TUBE1: variants seen among roughly 807,000 people sequenced by gnomAD.
The protein encoded by TUBE1 is tubulin epsilon 1, also known as tubulin epsilon chain.
TUBE1 carries 34 observed loss-of-function variants against 53.5 expected under a neutral mutation model. The observed-to-expected ratio is 0.64, with a 90% CI of 0.48 to 0.85. The LOEUF (loss-of-function observed/expected upper bound fraction) is 0.85. Among genes scored for constraint, TUBE1 ranks in the 40% least tolerant of loss-of-function variants. The pLI is 0.00. For missense variants in TUBE1, 532 were observed against 570.5 expected, an observed-to-expected ratio of 0.93 and a Z score of 0.69; for synonymous variants, 177 against 198.4, an observed-to-expected ratio of 0.89 and a Z score of 0.91.
intron 5 of TUBE1, among the ~76,000 whole-genome samples, chr6:112,080,570 A>C (rs1330729464): frequency 2.6e-5 from 4 of 152,100 alleles, no homozygotes; most frequent in African/African-American, 9.7e-5. Flanking sequence ...ATTTGCAAAT[A>C]ACAAGGAGCT....
chr6:112,086,980 T>C, intron 2 of TUBE1: 2 of 541,156 alleles, frequency 3.7e-6, no homozygotes, highest in East Asian at 6.0e-5. Flanking sequence ...CAAATCTCAC[T>C]GTTCTGCACA....
At chr6:112,075,503 T>A (rs111463573) in intron 8 of TUBE1, 3,281 of 153,250 alleles carry the variant, frequency 0.021, 119 homozygotes, top group African/African-American at 0.076. Flanking sequence ...AAACAACTAA[T>A]TTCCTCAAGA....
intron 4 of TUBE1, 194 bp downstream of exon 4, chr6:112,083,995 T>A (rs1175997997): frequency 3.5e-6 from 2 of 563,574 alleles, no homozygotes; most frequent in Admixed American, 3.2e-5. Flanking sequence ...CTAACTACAG[T>A]GTTTTAAAGT....
chr6:112,071,411 TTCAC>T lies in TUBE1; in HGVS notation c.1425_1428del (p.Met475IlefsTer17), dbSNP rs1554315287. 1 of 1,494,104 alleles carries T rather than the reference TTCAC, an allele frequency of 6.7e-7. No homozygotes were observed. The highest frequency in any genetic ancestry group is 1.9e-5 in the Admixed American group (1 of 53,036). The allele number at this position is 1,494,104 out of a possible 1,614,324, so 92.6% of individuals were successfully genotyped here. A position where few individuals can be genotyped will look rare whatever the true frequency, so the allele number is the denominator to read the frequency against. ...AGAAAGTATTTTTGAGGGTTTCTTT[TTCAC>T]ATAGCTATGCTTAGTCTGGGTAAAT... On this transcript the variant is annotated frameshift_variant and stop_lost, in exon 12 of 12. Transcript: ENST00000368662. LOFTEE classifies it high-confidence loss of function.
intron 4 of TUBE1, among the ~76,000 whole-genome samples, chr6:112,082,284 CA>C (rs1304607925): frequency 6.6e-6 from 1 of 152,124 alleles, no homozygotes; most frequent in Non-Finnish European, 1.5e-5. Flanking sequence ...TATTTTCAAG[CA>C]TATTTCTGAC....
At chr6:112,086,776 G>A in intron 2 of TUBE1, 168 bp from the exon 3 acceptor site, 2 of 547,526 alleles carry the variant, frequency 3.7e-6, no homozygotes, top group Non-Finnish European at 6.4e-6. Flanking sequence ...CCTTAGAAGA[G>A]TAAATGCCAG....
Position 112,079,730 on chromosome 6 carries a change from G to A in TUBE1, c.351C>T (p.Gly117=), listed in dbSNP as rs782467171. 88 of 1,609,626 alleles carry A rather than the reference G, an allele frequency of 5.5e-5. 2 individuals carry two copies. In the South Asian group the frequency reaches 9.3e-4, roughly 17 times the overall value. The change falls in exon 6 of 12, where the codon GGC becomes GGT. Residue 117 remains glycine, a synonymous_variant. Transcript: ENST00000368662. ...CTAAAATCTGGTCTTGGTAAAGACTGCCGAAAACTTTGTGACCCACGGCCC... is the reference window on the plus strand; with the variant it reads ...CTAAAATCTGGTCTTGGTAAAGACTACCGAAAACTTTGTGACCCACGGCCC... ...NNWAVGHKVF[G]SLYQDQILEK...
chr6:112,084,678 T>C (rs1427243146), intron 3 of TUBE1, among the ~76,000 whole-genome samples: 1 of 152,206 alleles, frequency 6.6e-6, no homozygotes, highest in Non-Finnish European at 1.5e-5. Flanking sequence ...GGAACATATA[T>C]AGTATTAGAT....
rs1776929639 is a variant in TUBE1, at chr6:112,074,762, A to G, written c.901T>C (p.Ser301Pro). The change falls in exon 9 of 12, where the codon TCA becomes CCA. Residue 301 changes from serine to proline, a missense_variant. Physicochemically the swap from Ser to Pro is moderately conservative, Grantham distance 74 (BLOSUM62 -1). Coordinates refer to ENST00000368662, the MANE Select transcript of TUBE1 (RefSeq NM_016262.5). Reference protein sequence around the residue: ...VPFPQLHYLVSSLTPLYTLTD... With the variant: ...VPFPQLHYLVPSLTPLYTLTD... ...AGTGTATACAGAGGTGTTAGGCTTG[A>G]CACGAGATAATGAAGTTGAGGAAAA... is the stretch of plus-strand genomic sequence containing the variant. 3.1e-6 allele frequency: 5 copies of G among 1,608,822 alleles called. No homozygotes were observed. Among genetic ancestry groups the G allele is most frequent in the African/African-American group, 1.3e-5 (1 of 74,702 alleles).
intron 8 of TUBE1, chr6:112,075,626 G>T (rs587611323): frequency 5.3e-6 from 1 of 190,288 alleles, no homozygotes; most frequent in East Asian, 1.3e-4. Flanking sequence ...AGATTAGTTG[G>T]TTTAAATGAT....
chr6:112,074,512 A>G (rs1309367145), intron 9 of TUBE1, among the ~76,000 whole-genome samples, 198 bp downstream of exon 9: 1 of 152,148 alleles, frequency 6.6e-6, no homozygotes, highest in Non-Finnish European at 1.5e-5. Flanking sequence ...TTTAAGTTCA[A>G]ATAGTTTAAT....
At chr6:112,077,762 G>C (rs1315843893) in intron 6 of TUBE1, 1 of 151,746 alleles carries the variant, frequency 6.6e-6, no homozygotes, top group Admixed American at 6.6e-5. Flanking sequence ...TTACAGAAGA[G>C]ACAGTTTTGA....
intron 7 of TUBE1, 45 bp from the exon 8 acceptor site, chr6:112,076,157 G>A: frequency 1.3e-6 from 2 of 1,528,474 alleles, no homozygotes; most frequent in South Asian, 1.2e-5. Context: ...AAGAAGAGTG[G>A]ATGTAGATGA....
In TUBE1 at chr6:112,086,552, T is replaced by C. The variant is rs782430879; in HGVS notation, c.152+4A>G. 7 of 1,611,600 alleles carry C rather than the reference T, an allele frequency of 4.3e-6. No individual in the cohort carries two copies. The South Asian group carries it at 7.7e-5, about 18-fold the overall frequency. The stretch of plus-strand genomic sequence containing the variant: ...CACTGTGACAGACTTTAATCCCATC[T>C]TACCTGGTGTCCACATTTCTAAAGA... On this transcript the variant is annotated splice_donor_region_variant and intron_variant, in intron 3 of 11. Transcript: ENST00000368662.
chr6:112,072,969 T>TA, intron 9 of TUBE1, 71 bp from the exon 10 acceptor site: 1 of 1,459,818 alleles, frequency 6.9e-7, no homozygotes, highest in Non-Finnish European at 9.4e-7. Context: ...AAAATGAAGA[T>TA]AGTCCTCTAT....
chr6:112,084,616 T>C (rs1777119911), intron 3 of TUBE1, among the ~76,000 whole-genome samples: 1 of 152,240 alleles, frequency 6.6e-6, no homozygotes, highest in African/African-American at 2.4e-5. Context: ...TGCCATTTTA[T>C]AGTCATGAAG....
Position 112,081,143 on chromosome 6 carries a change from A to T in TUBE1, c.275T>A (p.Val92Glu). Residue 92 changes from valine to glutamate, a missense_variant, in exon 5 of 12, where the codon GTA becomes GAA. Transcript: ENST00000368662. The part of the protein sequence containing the change: ...NEILQGPLRD[V>E]FDTKQLITDI... ...AGTGATGAGCTGTTTCGTATCAAATACATCTCTCAGTGGTCCCTGCAGAAT... is the reference window on the plus strand; with the variant it reads ...AGTGATGAGCTGTTTCGTATCAAATTCATCTCTCAGTGGTCCCTGCAGAAT... 5 of 1,610,402 alleles carry T rather than the reference A, an allele frequency of 3.1e-6. No homozygotes were observed. Among genetic ancestry groups the T allele is most frequent in the Non-Finnish European group, 4.2e-6 (5 of 1,178,362 alleles).
At position 112,076,513 on chromosome 6, in the gene TUBE1, A is replaced by G. The variant is rs1554316120; in HGVS notation, c.449-4T>C. 6.4e-7 allele frequency: 1 copy of G among 1,571,830 alleles called. No individual in the cohort carries two copies. The highest frequency in any genetic ancestry group is 8.6e-7 in the Non-Finnish European group (1 of 1,162,080). ...GTGCCAAGTCCAGATCCTGTTCCTG[A>G]GGATTAAAGTGTTTTTAAAAATTAG... On this transcript the variant is annotated splice_polypyrimidine_tract_variant and splice_region_variant and intron_variant, in intron 6 of 11. Transcript: ENST00000368662.
intron 3 of TUBE1, among the ~76,000 whole-genome samples, chr6:112,086,191 GCTTGTCAC>G (rs587597533): frequency 9.7e-4 from 147 of 152,154 alleles, no homozygotes; most frequent in African/African-American, 3.5e-3. Context: ...TCCAACAACT[GCTTGTCAC>G]CTTTTTAAGT....
Sources: gnomAD v4.1 joint callset for allele counts (sites outside exome capture counted in the v4.1 genomes callset) on GRCh38, gnomAD v4.1.1 for gene constraint, MANE v1.5 for transcripts, NCBI Gene and HGNC (gene_info 2026-07-23, HGNC 2026-07-21) for gene names.